Variants in EFR3A observed in about 807,000 individuals in gnomAD.
EFR3A encodes the protein protein EFR3 homolog A.
A neutral mutation model predicts 104.4 loss-of-function variants in EFR3A; 76 were observed. The ratio of observed to expected loss-of-function variants is 0.73; its 90% CI spans 0.60 to 0.88. EFR3A has a LOEUF of 0.88. Ranked by LOEUF, EFR3A falls within the 40% of genes least tolerant of loss-of-function variation. The probability of loss-of-function intolerance (pLI) is 0.00; values close to 1 mark genes in which losing one functional copy is unlikely to be tolerated. For synonymous variants in EFR3A, 330 were observed against 330.0 expected (o/e 1.00, Z 0.00); for missense variants, 985 against 1,012.5 (o/e 0.97, Z 0.37).
intron 1 of EFR3A, among the ~76,000 whole-genome samples, chr8:131,914,834 A>G (rs1197400983): frequency 6.6e-6 from 1 of 151,822 alleles, no homozygotes; most frequent in East Asian, 1.9e-4. Context: ...AGTGGGCCCC[A>G]GTGTCCATTG....
At chr8:131,953,744 C>A in intron 5 of EFR3A, 74 bp from the exon 6 acceptor site, 1 of 1,311,498 alleles carries the variant, frequency 7.6e-7, no homozygotes, top group Non-Finnish European at 1.0e-6. Flanking sequence ...TATCCATTCT[C>A]TTAGCTACGC....
chr8:131,989,270 T>C (rs547185607), intron 18 of EFR3A, among the ~76,000 whole-genome samples: 3 of 152,166 alleles, frequency 2.0e-5, no homozygotes, highest in Non-Finnish European at 4.4e-5. Context: ...TGTGTAACCA[T>C]CAGATATTCA....
chr8:132,007,411 A>G (rs938459875), intron 22 of EFR3A, among the ~76,000 whole-genome samples: 7 of 151,944 alleles, frequency 4.6e-5, no homozygotes, highest in African/African-American at 1.7e-4. Flanking sequence ...AAAATTAGCC[A>G]TAATTTAACA....
chr8:131,955,375 G>T (rs1420897862), intron 6 of EFR3A, among the ~76,000 whole-genome samples: 4 of 152,032 alleles, frequency 2.6e-5, no homozygotes, highest in Non-Finnish European at 5.9e-5. Context: ...TTACAGGCTA[G>T]GTCATAGTTT....
At chr8:131,933,826 T>G (rs571772428) in intron 1 of EFR3A, among the ~76,000 whole-genome samples, 2 of 152,058 alleles carry the variant, frequency 1.3e-5, no homozygotes, top group African/African-American at 2.4e-5. Context: ...TTCTACAGTT[T>G]CCCAGAATTG....
intron 15 of EFR3A, among the ~76,000 whole-genome samples, chr8:131,984,634 T>G (rs1376154721): frequency 6.6e-6 from 1 of 152,010 alleles, no homozygotes; most frequent in Non-Finnish European, 1.5e-5. Flanking sequence ...GTTGCGTAAG[T>G]GTTATGTAAT....
chr8:131,957,346 G>A (rs752767582), intron 7 of EFR3A, among the ~76,000 whole-genome samples: 1 of 146,164 alleles, frequency 6.8e-6, no homozygotes. Flanking sequence ...TTTAGGGCCA[G>A]GGTCTTTTTT....
In EFR3A at chr8:131,992,817, G is replaced by A. The variant is rs182845930; in HGVS notation, c.2066-3589G>A. Among the ~76,000 whole-genome samples, 11 of 152,260 alleles carry A rather than the reference G, an allele frequency of 7.2e-5. No homozygotes were observed. The East Asian group carries it at 2.1e-3, about 29-fold the overall frequency. ...TTAATTAGGGAAGGTTGAAGTTACT[G>A]TTGGTAAGATCTGATGAGAGAGCCT... On this transcript the variant is annotated intron_variant, in intron 18 of 22. Coordinates refer to ENST00000254624, the MANE Select transcript of EFR3A (RefSeq NM_015137.6).
intron 19 of EFR3A, 52 bp from the exon 20 acceptor site, chr8:132,001,707 T>G: frequency 6.7e-7 from 1 of 1,492,730 alleles, no homozygotes; most frequent in Non-Finnish European, 9.3e-7. Context: ...GTAAAGGTGT[T>G]ATTTATATTG....
chr8:131,966,424 T>C (rs1205233754), intron 8 of EFR3A, among the ~76,000 whole-genome samples: 2 of 152,178 alleles, frequency 1.3e-5, no homozygotes, highest in Non-Finnish European at 1.5e-5. Flanking sequence ...TTTGTCGTCA[T>C]TATTGTTATG....
chr8:131,996,363 A>G, intron 18 of EFR3A, 43 bp from the exon 19 acceptor site: 1 of 1,222,340 alleles, frequency 8.2e-7, no homozygotes, highest in Non-Finnish European at 1.1e-6. Context: ...AAACCAACAT[A>G]ACATTTCTAG....
chr8:131,996,610 A>G (rs1821503157), intron 19 of EFR3A, 113 bp downstream of exon 19: 4 of 564,480 alleles, frequency 7.1e-6, no homozygotes, highest in Non-Finnish European at 1.2e-5. Flanking sequence ...ATTATCCTCA[A>G]ATCAACTAAA....
rs116095114 is a variant in EFR3A, at chr8:131,976,008, T to C, written c.1160-19T>C. On this transcript the variant is annotated intron_variant, in intron 10 of 22. Transcript: ENST00000254624. ...GTAGACTTTTTCAGTTTCTAAAATT[T>C]GTCTTAATACTTTCATAGGATTTTT... 1,104 of 1,453,574 alleles carry C rather than the reference T, an allele frequency of 7.6e-4. 8 individuals are homozygous for C. The African/African-American group carries it at 0.014, about 19-fold the overall frequency. 90.0% of individuals were successfully genotyped at this position (1,453,574 alleles called of 1,614,324 possible). A position where few individuals can be genotyped will look rare whatever the true frequency, so the allele number is the denominator to read the frequency against.
At chr8:131,940,084 A>G (rs533240658) in intron 1 of EFR3A, 1 of 172,670 alleles carries the variant, frequency 5.8e-6, no homozygotes, top group East Asian at 1.6e-4. Flanking sequence ...CAGAGGGAAC[A>G]GTGAGAGTTA....
chr8:131,956,126 A>G (rs1469154703), intron 7 of EFR3A, among the ~76,000 whole-genome samples: 1 of 152,200 alleles, frequency 6.6e-6, no homozygotes, highest in East Asian at 1.9e-4. Context: ...AAGTGTAATA[A>G]TGTGTTAATA....
At chr8:131,975,950 T>C (rs1015701975) in intron 10 of EFR3A, 77 bp from the exon 11 acceptor site, 16 of 846,282 alleles carry the variant, frequency 1.9e-5, no homozygotes, top group Non-Finnish European at 2.5e-5. Context: ...ATTGAAAACT[T>C]TGGCTAAAAA....
intron 7 of EFR3A, among the ~76,000 whole-genome samples, chr8:131,957,476 G>A (rs1450382226): frequency 4.6e-5 from 7 of 150,640 alleles, no homozygotes; most frequent in South Asian, 4.3e-4. Context: ...TCAGCCTCCC[G>A]AGTAGCTTGG....
chr8:131,982,456 A>C (rs1820663609), intron 14 of EFR3A, among the ~76,000 whole-genome samples: 1 of 152,090 alleles, frequency 6.6e-6, no homozygotes, highest in African/African-American at 2.4e-5. Context: ...ATGCTTGTAC[A>C]CATGTTGTGC....
At chr8:131,953,431 A>G (rs1339946163) in intron 5 of EFR3A, among the ~76,000 whole-genome samples, 1 of 152,132 alleles carries the variant, frequency 6.6e-6, no homozygotes, top group African/African-American at 2.4e-5. Context: ...CTGAAGAAGC[A>G]TGAAGGGTGT....
Sources: allele counts gnomAD v4.1 joint callset (sites outside exome capture counted in the v4.1 genomes callset), GRCh38; gene constraint gnomAD v4.1.1; transcripts MANE v1.5; gene names NCBI Gene and HGNC (gene_info 2026-07-23, HGNC 2026-07-21).